Variants in ATAD2B observed in about 807,000 individuals in gnomAD.
ATAD2B encodes the protein ATPase family AAA domain-containing protein 2B.
ATAD2B carries 40 observed loss-of-function variants against 167.6 expected under a neutral mutation model. That is an observed-to-expected ratio of 0.24 (90% CI 0.19 to 0.31). The LOEUF is 0.31. Ranked by LOEUF, ATAD2B falls within the 10% of genes least tolerant of loss-of-function variation. The pLI, the probability that ATAD2B is intolerant of heterozygous loss-of-function variation, is 1.00. For synonymous variants in ATAD2B, 579 were observed against 596.5 expected, an observed-to-expected ratio of 0.97 and a Z score of 0.43; for missense variants, 1,242 against 1,757.2, an observed-to-expected ratio of 0.71 and a Z score of 5.24.
At chr2:23,819,492 C>CAAAAAAAAAAA (rs1171377752) in intron 17 of ATAD2B, among the ~76,000 whole-genome samples, 1 of 76,208 alleles carries the variant, frequency 1.3e-5, no homozygotes. Context: ...CTCTGCCTCC[C>CAAAAAAAAAAA]AAAAAAAAAA....
chr2:23,788,743 T>C, intron 19 of ATAD2B, 96 bp from the exon 20 acceptor site: 2 of 1,047,246 alleles, frequency 1.9e-6, no homozygotes, highest in Non-Finnish European at 2.7e-6. Flanking sequence ...TCCAGTATCA[T>C]GTTCAATATT....
At chr2:23,910,944 A>G (rs1231120179) in intron 1 of ATAD2B, among the ~76,000 whole-genome samples, 1 of 150,940 alleles carries the variant, frequency 6.6e-6, no homozygotes, top group African/African-American at 2.4e-5. Context: ...AAGGTAACAT[A>G]GGCCGGGTGC....
intron 25 of ATAD2B, 81 bp downstream of exon 25, chr2:23,757,337 C>T: frequency 9.4e-7 from 1 of 1,062,960 alleles, no homozygotes; most frequent in East Asian, 2.6e-5. Flanking sequence ...TCAACTATTA[C>T]TACTGGGAAC....
At chr2:23,712,092 A>G in the ATAD2B span, among the ~76,000 whole-genome samples, 1 of 152,108 alleles carries the variant, frequency 6.6e-6, no homozygotes, top group Admixed American at 6.5e-5. Context: ...CCATTGCAGG[A>G]GTGAGGCCAC....
At chr2:23,694,179 TG>T in the ATAD2B span, among the ~76,000 whole-genome samples, 1 of 152,220 alleles carries the variant, frequency 6.6e-6, no homozygotes, top group South Asian at 2.1e-4. Flanking sequence ...TCCAGCAGAA[TG>T]TCCTGCAGAT....
the ATAD2B span, chr2:23,708,228 G>A: frequency 1.3e-4 from 20 of 152,150 alleles, no homozygotes; most frequent in African/African-American, 2.9e-4. Context: ...ACCGAGCTTC[G>A]TTATGCAGTT....
intron 19 of ATAD2B, among the ~76,000 whole-genome samples, chr2:23,789,065 G>C (rs1681255716): frequency 6.6e-6 from 1 of 150,430 alleles, no homozygotes. Context: ...CCTATCCATT[G>C]ACTTCCCTTA....
At chr2:23,714,592 C>T in the ATAD2B span, among the ~76,000 whole-genome samples, 2 of 151,244 alleles carry the variant, frequency 1.3e-5, no homozygotes, top group South Asian at 2.1e-4. Flanking sequence ...CAGTAGCTCA[C>T]GCCTGTAATC....
rs1285718802 is a variant in ATAD2B at position 23,926,600 on chromosome 2, T to A, written c.171A>T (p.Lys57Asn). The A allele has an allele frequency of 1.3e-6, 2 of 1,563,964 alleles. No homozygotes were observed. Among genetic ancestry groups the A allele is most frequent in the African/African-American group, 2.7e-5 (2 of 73,764 alleles). The change falls in exon 1 of 28, where the codon AAA becomes AAT. Residue 57 changes from lysine (K) to asparagine (N), a missense_variant. Lys to Asn is a moderately conservative substitution (Grantham distance 94). Transcript: ENST00000238789. ...CGCCGGCGCCACCGCTTCCCCCGGC[T>A]TTGGCGGCGGGGCAGCTGGCGGCGC... ...KTRAASCPAA[K>N]AGGSGGAGVT...
intron 1 of ATAD2B, among the ~76,000 whole-genome samples, chr2:23,909,447 T>G (rs973513761): frequency 6.6e-6 from 1 of 151,254 alleles, no homozygotes; most frequent in Non-Finnish European, 1.5e-5. Context: ...TACATATATA[T>G]ATATACACAC....
the ATAD2B span, among the ~76,000 whole-genome samples, chr2:23,735,188 T>C: frequency 2.6e-5 from 4 of 152,202 alleles, no homozygotes; most frequent in Non-Finnish European, 5.9e-5. Flanking sequence ...CTCCCTTGTA[T>C]TTACCCTTGA....
chr2:23,695,691 T>C, the ATAD2B span: 2 of 1,551,618 alleles, frequency 1.3e-6, no homozygotes, highest in Non-Finnish European at 1.7e-6. The surrounding 1 kb of genome is among the most constrained non-coding windows in gnomAD (Gnocchi z 7.6). Context: ...TCAATGTGGT[T>C]GACAATGAAG....
chr2:23,837,743 A>T (rs1223087113), intron 13 of ATAD2B, among the ~76,000 whole-genome samples: 1 of 152,362 alleles, frequency 6.6e-6, no homozygotes, highest in East Asian at 1.9e-4. Flanking sequence ...GGGGGTTTTT[A>T]AATGTCTGGA....
intron 17 of ATAD2B, chr2:23,811,384 C>T (rs1685561407): frequency 1.3e-5 from 2 of 152,278 alleles, no homozygotes; most frequent in Admixed American, 1.3e-4. Flanking sequence ...TGTTGTTCCC[C>T]TCCAGAGGAA....
At chr2:23,769,231 G>A (rs1274353983) in intron 22 of ATAD2B, among the ~76,000 whole-genome samples, 1 of 152,132 alleles carries the variant, frequency 6.6e-6, no homozygotes, top group African/African-American at 2.4e-5. Context: ...ACGAGGTCAG[G>A]AGTTCAAGAC....
the ATAD2B span, among the ~76,000 whole-genome samples, chr2:23,678,833 C>G: frequency 9.2e-5 from 14 of 152,192 alleles, no homozygotes; most frequent in South Asian, 2.1e-4. Flanking sequence ...TTGCATAATT[C>G]CACTTATAAG....
intron 15 of ATAD2B, among the ~76,000 whole-genome samples, chr2:23,825,292 T>C (rs72782138): frequency 0.12 from 18,116 of 151,886 alleles, 1,157 homozygotes; most frequent in Middle Eastern, 0.22. Context: ...ACTTAAATAC[T>C]GAACTAAAAA....
chr2:23,701,430 C>T, the ATAD2B span, among the ~76,000 whole-genome samples: 2 of 152,182 alleles, frequency 1.3e-5, no homozygotes, highest in African/African-American at 2.4e-5. Flanking sequence ...ACCTTCAGGG[C>T]AGTCAGGTGC....
Position 23,751,082 on chromosome 2 carries a change from CATGA to C in ATAD2B, c.*960_*963del, listed in dbSNP as rs1336749122. 6.6e-6 allele frequency: 1 copy of C among 152,126 alleles called. No individual in the cohort carries two copies. The highest frequency in any genetic ancestry group is 1.9e-4 in the East Asian group (1 of 5,198). The allele number at this position is 152,126 out of a possible 1,614,324, so 9.4% of individuals were successfully genotyped here. The stretch of plus-strand genomic sequence containing the variant: ...AACCATTTTTCTCTGGGAACTCAAA[CATGA>C]ATAACTATTAAATTGCCACTGACAG... On this transcript the variant is annotated 3_prime_UTR_variant, in exon 28 of 28. Coordinates refer to ENST00000238789, the MANE Select transcript of ATAD2B (RefSeq NM_017552.4).
Sources: allele counts gnomAD v4.1 joint callset (sites outside exome capture counted in the v4.1 genomes callset), GRCh38; gene constraint gnomAD v4.1.1; non-coding constraint Gnocchi (gnomAD v3.1); transcripts MANE v1.5; gene names NCBI Gene and HGNC (gene_info 2026-07-23, HGNC 2026-07-21).